CA10: variants seen among roughly 807,000 people sequenced by gnomAD.
CA10 encodes carbonic anhydrase-related protein 10.
CA10 carries 14 observed loss-of-function variants against 44.2 expected under a neutral mutation model. The ratio of observed to expected loss-of-function variants is 0.32; its 90% CI spans 0.21 to 0.50. CA10 has a LOEUF of 0.50. Among genes scored for constraint, CA10 ranks in the 20% least tolerant of loss-of-function variants. CA10 has a pLI of 0.99. For missense variants in CA10, 350 were observed against 409.7 expected, an observed-to-expected ratio of 0.85 and a Z score of 1.26; for synonymous variants, 159 against 141.6, an observed-to-expected ratio of 1.12 and a Z score of -0.87.
At chr17:52,051,472 A>T (rs1019305178) in intron 2 of CA10, among the ~76,000 whole-genome samples, 2 of 152,042 alleles carry the variant, frequency 1.3e-5, no homozygotes, top group Non-Finnish European at 2.9e-5. Context: ...CTCCATGAAG[A>T]AGCGGGCAAA....
intron 2 of CA10, among the ~76,000 whole-genome samples, chr17:52,005,120 C>T (rs543122937): frequency 6.6e-6 from 1 of 151,826 alleles, no homozygotes; most frequent in East Asian, 1.9e-4. Context: ...TTGTGAATAC[C>T]TCTATAGCAC....
intron 1 of CA10, among the ~76,000 whole-genome samples, chr17:52,130,883 A>G (rs1358187477): frequency 6.6e-6 from 1 of 152,094 alleles, no homozygotes; most frequent in Non-Finnish European, 1.5e-5. Flanking sequence ...AGACAGCAGG[A>G]ATCAGTTCAA....
intron 3 of CA10, among the ~76,000 whole-genome samples, chr17:51,831,321 T>C (rs1007706969): frequency 6.6e-6 from 1 of 152,244 alleles, no homozygotes; most frequent in African/African-American, 2.4e-5. Context: ...AAATTTGAAC[T>C]AGCCACAGTG....
intron 1 of CA10, among the ~76,000 whole-genome samples, chr17:52,091,212 G>A (rs1988256290): frequency 6.6e-6 from 1 of 152,126 alleles, no homozygotes; most frequent in Non-Finnish European, 1.5e-5. Context: ...ATTTTCAAGT[G>A]TTATGATGAT....
intron 3 of CA10, among the ~76,000 whole-genome samples, chr17:51,791,104 A>G (rs191366193): frequency 9.6e-4 from 146 of 152,340 alleles, no homozygotes; most frequent in Middle Eastern, 3.4e-3. Flanking sequence ...GCACTTTTGG[A>G]AAGATAAGTG....
At chr17:51,956,742 G>C (rs981394257) in intron 2 of CA10, among the ~76,000 whole-genome samples, 3 of 152,022 alleles carry the variant, frequency 2.0e-5, no homozygotes, top group Non-Finnish European at 2.9e-5. Flanking sequence ...GTGGTGAGAG[G>C]CTTCCTGTTC....
At chr17:51,906,017 T>G (rs550156203) in intron 3 of CA10, among the ~76,000 whole-genome samples, 14 of 152,202 alleles carry the variant, frequency 9.2e-5, no homozygotes, top group African/African-American at 3.4e-4. Flanking sequence ...GGATCCTACA[T>G]TATCTTGCGT....
intron 3 of CA10, among the ~76,000 whole-genome samples, chr17:51,764,634 AGCTGGCCTATGGCT>A (rs1342178689): frequency 2.0e-5 from 3 of 152,192 alleles, no homozygotes; most frequent in African/African-American, 4.8e-5. Context: ...GGTTGTAGGA[AGCTGGCCTATGGCT>A]GAGAGCCTAG....
At chr17:51,921,453 A>G (rs1423917183) in intron 3 of CA10, among the ~76,000 whole-genome samples, 12 of 152,218 alleles carry the variant, frequency 7.9e-5, no homozygotes, top group Admixed American at 6.5e-4. Context: ...AATCAGCTGT[A>G]ATGACTTCTT....
intron 4 of CA10, among the ~76,000 whole-genome samples, chr17:51,723,895 C>G (rs941911670): frequency 6.6e-6 from 1 of 152,292 alleles, no homozygotes; most frequent in Admixed American, 6.5e-5. Flanking sequence ...CCAGCCAGCC[C>G]ATGTTTACTG....
intron 4 of CA10, among the ~76,000 whole-genome samples, chr17:51,737,671 C>T (rs1421937564): frequency 6.6e-6 from 1 of 152,152 alleles, no homozygotes; most frequent in Non-Finnish European, 1.5e-5. Context: ...GAAGTCAGAT[C>T]TTCTAAGTCA....
chr17:51,756,454 T>C (rs1018985405), intron 3 of CA10, among the ~76,000 whole-genome samples: 39 of 148,530 alleles, frequency 2.6e-4, no homozygotes, highest in Non-Finnish European at 5.0e-4. Context: ...TGCTGAGTGC[T>C]GGGGAAATGA....
At chr17:52,076,993 A>G (rs770010626) in intron 1 of CA10, among the ~76,000 whole-genome samples, 2 of 152,216 alleles carry the variant, frequency 1.3e-5, no homozygotes, top group Non-Finnish European at 2.9e-5. Flanking sequence ...AATTGTGTTG[A>G]CAATAAAAAT....
intron 2 of CA10, among the ~76,000 whole-genome samples, chr17:51,972,124 A>T (rs1430592250): frequency 1.3e-5 from 2 of 152,096 alleles, no homozygotes; most frequent in African/African-American, 4.8e-5. Flanking sequence ...TATGTGAGTT[A>T]TATAAGGGAA....
intron 2 of CA10, among the ~76,000 whole-genome samples, chr17:52,038,873 G>C (rs1367954735): frequency 6.6e-6 from 1 of 152,034 alleles, no homozygotes; most frequent in African/African-American, 2.4e-5. Flanking sequence ...GTGTTTCTCT[G>C]GGTCCTGTTT....
intron 8 of CA10, 76 bp downstream of exon 8, chr17:51,633,400 G>T: frequency 7.6e-7 from 1 of 1,322,806 alleles, no homozygotes; most frequent in Non-Finnish European, 1.0e-6. Flanking sequence ...GATAATGCCA[G>T]GCCTTTAAGA....
intron 3 of CA10, among the ~76,000 whole-genome samples, chr17:51,759,273 C>T (rs926358810): frequency 5.9e-5 from 9 of 151,786 alleles, no homozygotes; most frequent in African/African-American, 2.2e-4. Flanking sequence ...ATTGCCTGTG[C>T]TGCTGCTCCT....
chr17:51,759,438 T>A (rs1409356354), intron 3 of CA10, among the ~76,000 whole-genome samples: 1 of 148,122 alleles, frequency 6.8e-6, no homozygotes, highest in East Asian at 1.9e-4. Context: ...TATGTAAATA[T>A]GTAATATATA....
At chr17:51,851,755 G>A (rs991761108) in intron 3 of CA10, among the ~76,000 whole-genome samples, 1 of 152,126 alleles carries the variant, frequency 6.6e-6, no homozygotes, top group African/African-American at 2.4e-5. Flanking sequence ...TGAACCATCT[G>A]TTGTCAGATA....
Sources: allele counts gnomAD v4.1 joint callset (sites outside exome capture counted in the v4.1 genomes callset), GRCh38; gene constraint gnomAD v4.1.1; transcripts MANE v1.5; gene names NCBI Gene and HGNC (gene_info 2026-07-23, HGNC 2026-07-21).